Variants in GNAQ observed in about 807,000 individuals in gnomAD.
The protein encoded by GNAQ is guanine nucleotide-binding protein G(q) subunit alpha.
GNAQ carries 8 observed loss-of-function variants against 43.9 expected under a neutral mutation model. The ratio of observed to expected loss-of-function variants is 0.18; its 90% CI spans 0.11 to 0.33. The LOEUF is 0.33. Ranked by LOEUF, GNAQ falls within the 10% of genes least tolerant of loss-of-function variation. The probability of loss-of-function intolerance (pLI) is 1.00; values close to 1 mark genes in which losing one functional copy is unlikely to be tolerated. For synonymous variants in GNAQ, 155 were observed against 170.7 expected (o/e 0.91, Z 0.71); for missense variants, 158 against 450.8 (o/e 0.35, Z 5.88).
At chr9:77,754,161 T>C (rs1187103259) in intron 5 of GNAQ, among the ~76,000 whole-genome samples, 1 of 152,210 alleles carries the variant, frequency 6.6e-6, no homozygotes, top group East Asian at 1.9e-4. Flanking sequence ...TAGGCAGGCC[T>C]TCCTCAGGAC....
chr9:77,725,273 G>C (rs1400198041), intron 6 of GNAQ, among the ~76,000 whole-genome samples: 5 of 152,108 alleles, frequency 3.3e-5, no homozygotes, highest in Non-Finnish European at 5.9e-5. Flanking sequence ...TGCAATTCAA[G>C]TCCATGTGGA....
At chr9:78,024,824 T>G (rs1587466915) in intron 1 of GNAQ, among the ~76,000 whole-genome samples, 1 of 152,146 alleles carries the variant, frequency 6.6e-6, no homozygotes, top group East Asian at 1.9e-4. Flanking sequence ...TGTTCCTTCT[T>G]AAGTTATGCC....
chr9:77,796,383 A>G (rs1826658343), intron 4 of GNAQ, among the ~76,000 whole-genome samples: 2 of 152,206 alleles, frequency 1.3e-5, no homozygotes, highest in African/African-American at 4.8e-5. Context: ...TCCATCTTCA[A>G]TGGGGTGGGC....
intron 2 of GNAQ, among the ~76,000 whole-genome samples, chr9:77,863,036 T>C (rs1827880552): frequency 6.6e-6 from 1 of 152,044 alleles, no homozygotes; most frequent in Non-Finnish European, 1.5e-5. Context: ...TAGCCGGGTG[T>C]GGTGGCACAT....
chr9:77,910,966 G>A (rs7031355), intron 2 of GNAQ, among the ~76,000 whole-genome samples: 99,847 of 152,100 alleles, frequency 0.66, 33,973 homozygotes, highest in South Asian at 0.75. Context: ...AACCCATCAC[G>A]GTCAACAAGT....
At chr9:77,762,194 A>G (rs1379594713) in intron 5 of GNAQ, among the ~76,000 whole-genome samples, 1 of 109,714 alleles carries the variant, frequency 9.1e-6, no homozygotes, top group African/African-American at 3.5e-5. Context: ...GGCCACCCCT[A>G]CTGGGAAGTG....
At chr9:77,824,424 G>A (rs987031628) in intron 2 of GNAQ, among the ~76,000 whole-genome samples, 1 of 152,066 alleles carries the variant, frequency 6.6e-6, no homozygotes, top group African/African-American at 2.4e-5. Context: ...CTATCTTTCG[G>A]TATTAGTTCA....
chr9:77,929,829 C>T (rs1416683438), intron 1 of GNAQ, among the ~76,000 whole-genome samples: 1 of 152,114 alleles, frequency 6.6e-6, no homozygotes, highest in Non-Finnish European at 1.5e-5. Flanking sequence ...GACCCTGTCA[C>T]ACACACAAAA....
chr9:77,913,293 A>ATT (rs975684961), intron 2 of GNAQ, among the ~76,000 whole-genome samples: 6 of 80,492 alleles, frequency 7.5e-5, no homozygotes, highest in Non-Finnish European at 1.3e-4. Flanking sequence ...ATAGGATATA[A>ATT]TTATATATAT....
chr9:77,758,615 A>G (rs1421752544), intron 5 of GNAQ, among the ~76,000 whole-genome samples: 1 of 152,190 alleles, frequency 6.6e-6, no homozygotes, highest in African/African-American at 2.4e-5. Context: ...ATCATTTCAG[A>G]AAAATTTAAT....
At chr9:77,837,369 T>C (rs1184523726) in intron 2 of GNAQ, among the ~76,000 whole-genome samples, 1 of 151,974 alleles carries the variant, frequency 6.6e-6, no homozygotes, top group African/African-American at 2.4e-5. Flanking sequence ...CTGGCCAACA[T>C]GGTGAGACCC....
intron 2 of GNAQ, among the ~76,000 whole-genome samples, chr9:77,879,919 CCT>C (rs1412782781): frequency 2.0e-5 from 3 of 152,096 alleles, no homozygotes; most frequent in African/African-American, 7.2e-5. Context: ...TTTTACAGCC[CCT>C]GTCTGGTTTT....
intron 2 of GNAQ, among the ~76,000 whole-genome samples, chr9:77,847,804 C>G (rs1438695268): frequency 6.6e-6 from 1 of 152,168 alleles, no homozygotes; most frequent in Admixed American, 6.5e-5. Flanking sequence ...GGCCTGGAAC[C>G]AGTCAGCATT....
chr9:77,805,348 T>TA (rs1479636738), intron 3 of GNAQ, among the ~76,000 whole-genome samples: 11 of 152,280 alleles, frequency 7.2e-5, no homozygotes, highest in Non-Finnish European at 7.4e-5. Flanking sequence ...ACATACGTGT[T>TA]AGAGTTCAAG....
At chr9:77,821,537 C>T (rs1564120842) in intron 2 of GNAQ, among the ~76,000 whole-genome samples, 2 of 152,222 alleles carry the variant, frequency 1.3e-5, no homozygotes, top group African/African-American at 2.4e-5. Flanking sequence ...AGGTCAGATG[C>T]TTGATGCAGC....
intron 1 of GNAQ, among the ~76,000 whole-genome samples, chr9:77,984,279 C>G (rs1026482757): frequency 1.3e-5 from 2 of 151,448 alleles, no homozygotes; most frequent in Admixed American, 6.6e-5. Flanking sequence ...AAGTGATCCT[C>G]CCACCTTAGC....
intron 5 of GNAQ, among the ~76,000 whole-genome samples, chr9:77,734,747 C>G (rs1202002289): frequency 1.3e-5 from 2 of 152,186 alleles, no homozygotes; most frequent in Non-Finnish European, 2.9e-5. Context: ...TTCTGGGATT[C>G]TGTGTCCCCT....
At chr9:77,775,896 A>G (rs547362424) in intron 5 of GNAQ, among the ~76,000 whole-genome samples, 1 of 152,260 alleles carries the variant, frequency 6.6e-6, no homozygotes, top group African/African-American at 2.4e-5. Flanking sequence ...CTGCACTCCA[A>G]CCTGGGTGAC....
intron 2 of GNAQ, among the ~76,000 whole-genome samples, chr9:77,826,254 A>C (rs1827195069): frequency 6.6e-6 from 1 of 152,084 alleles, no homozygotes; most frequent in Non-Finnish European, 1.5e-5. Flanking sequence ...TACCTGCCTG[A>C]CCCTGAAATA....
Sources: gnomAD v4.1 joint callset for allele counts (sites outside exome capture counted in the v4.1 genomes callset) on GRCh38, gnomAD v4.1.1 for gene constraint, MANE v1.5 for transcripts, NCBI Gene and HGNC (gene_info 2026-07-23, HGNC 2026-07-21) for gene names.